Variants in ERG observed in about 807,000 individuals in gnomAD.
ERG encodes the protein transcriptional regulator ERG.
A neutral mutation model predicts 55.3 loss-of-function variants in ERG; 9 were observed. The observed-to-expected ratio is 0.16, with a 90% CI of 0.10 to 0.28. The LOEUF (loss-of-function observed/expected upper bound fraction) is 0.28, where lower values mean the gene tolerates loss of function less well. Among genes scored for constraint, ERG ranks in the 10% least tolerant of loss-of-function variants. The pLI is 1.00. For missense variants in ERG, 434 were observed against 631.6 expected, an observed-to-expected ratio of 0.69 and a Z score of 3.35; for synonymous variants, 223 against 237.3, an observed-to-expected ratio of 0.94 and a Z score of 0.55.
At chr21:38,568,042 C>T (rs983357194) in intron 2 of ERG, among the ~76,000 whole-genome samples, 1 of 152,082 alleles carries the variant, frequency 6.6e-6, no homozygotes, top group Non-Finnish European at 1.5e-5. Flanking sequence ...GAAAGAAGTG[C>T]TTCAGTTCAC....
chr21:38,415,215 C>G (rs7283572), intron 3 of ERG, among the ~76,000 whole-genome samples: 4 of 152,264 alleles, frequency 2.6e-5, no homozygotes, highest in African/African-American at 9.6e-5. Flanking sequence ...ACTCTCTTAG[C>G]GTTCCTAGTT....
intron 1 of ERG, among the ~76,000 whole-genome samples, chr21:38,646,467 G>A (rs2146978658): frequency 6.6e-6 from 1 of 152,272 alleles, no homozygotes; most frequent in East Asian, 1.9e-4. Context: ...CAGAATGTTA[G>A]ATTCTGACCG....
At chr21:38,468,185 C>A (rs1257547756) in intron 1 of ERG, among the ~76,000 whole-genome samples, 1 of 152,158 alleles carries the variant, frequency 6.6e-6, no homozygotes, top group Non-Finnish European at 1.5e-5. Context: ...TAGGTCGGCA[C>A]CTTCCTCCCC....
chr21:38,403,676 T>A lies in ERG; in HGVS notation c.422A>T (p.Gln141Leu). 6.2e-7 allele frequency: 1 copy of A among 1,614,186 alleles called. No individual in the cohort carries two copies. The highest frequency in any genetic ancestry group is 8.5e-7 in the Non-Finnish European group (1 of 1,180,014). ...PTLWSTDHVR[Q>L]WLEWAVKEYG... ...TTCTTTCACCGCCCACTCCAGCCAC[T>A]GCCGCACATGGTCTGTACTCCATAG... is the stretch of plus-strand genomic sequence containing the variant. The change falls in exon 4 of 10, where the codon CAG (glutamine) becomes CTG (leucine). Residue 141 changes from glutamine to leucine, a missense_variant. Transcript: ENST00000288319.
Position 38,641,741 on chromosome 21 carries a change from C to A in ERG, c.-150+19917G>T, listed in dbSNP as rs986132448. Among the ~76,000 whole-genome samples, 110 of 150,122 alleles carry A rather than the reference C, an allele frequency of 7.3e-4. 1 individual carries two copies. The highest frequency in any genetic ancestry group is 1.3e-3 in the Non-Finnish European group (89 of 67,424). On this transcript the variant is annotated intron_variant, in intron 1 of 10. Coordinates refer to the ERG transcript ENST00000398910. ...GTGAAAATTAGTGTGAAAAAAAAAA[C>A]AAATTTCTGAAAGGTAATTTGTCAG... is the stretch of plus-strand genomic sequence containing the variant.
intron 1 of ERG, among the ~76,000 whole-genome samples, chr21:38,601,175 C>G (rs909986864): frequency 6.6e-6 from 1 of 152,162 alleles, no homozygotes; most frequent in Non-Finnish European, 1.5e-5. Flanking sequence ...CCCCCAACAA[C>G]TCAGATGACA....
intron 1 of ERG, chr21:38,451,130 G>A (rs2058937666): frequency 1.0e-5 from 5 of 482,360 alleles, no homozygotes; most frequent in South Asian, 7.6e-5. Context: ...GAGAGACAGA[G>A]AGAGAGAGGC....
intron 2 of ERG, among the ~76,000 whole-genome samples, chr21:38,436,886 TTTTTC>T (rs1199746678): frequency 4.3e-5 from 6 of 139,410 alleles, no homozygotes; most frequent in East Asian, 2.3e-4. Flanking sequence ...GTTCCTTTTT[TTTTTC>T]TTTCTCTCTT....
rs570947932 is a variant in ERG at position 38,504,228 on chromosome 21, G to C, written c.-41+71434C>G. 2.0e-5 allele frequency among the ~76,000 whole-genome samples: 3 copies of C among 152,254 alleles called. No individual in the cohort carries two copies. The East Asian group carries it at 5.8e-4, about 29-fold the overall frequency. ...CAAATCCTCAACTTCTCAACACCAA[G>C]TTGCAATTTCCTTAATACTGAAGCA... On this transcript the variant is annotated intron_variant, in intron 2 of 8. Transcript: ENST00000398897.
rs1989653892 is a variant in ERG, at chr21:38,423,555, A to G, written c.243T>C (p.Ser81=). The change falls in exon 3 of 10, where the codon TCT becomes TCC. Residue 81 remains serine, a synonymous_variant. Coordinates refer to ENST00000288319, the MANE Select transcript of ERG (RefSeq NM_182918.4). Reference sequence around the variant, plus strand: ...CTTTGGCCACACTGCATTCATCAGGAGAGTTCCTGGAGGAGAAGAAATATT... The same window carrying G: ...CTTTGGCCACACTGCATTCATCAGGGGAGTTCCTGGAGGAGAAGAAATATT... The part of the protein sequence containing the change: ...NPSQVNGSRN[S]PDECSVAKGG... 6.2e-7 allele frequency: 1 copy of G among 1,611,102 alleles called. No homozygotes were observed. The highest frequency in any genetic ancestry group is 1.3e-5 in the African/African-American group (1 of 74,870).
At chr21:38,627,563 T>A (rs2060332225) in intron 1 of ERG, among the ~76,000 whole-genome samples, 1 of 152,200 alleles carries the variant, frequency 6.6e-6, no homozygotes, top group South Asian at 2.1e-4. Context: ...ACTAATGCAT[T>A]AAATTCAAGG....
At chr21:38,454,073 GACA>G (rs1366795337) in intron 1 of ERG, among the ~76,000 whole-genome samples, 5 of 152,102 alleles carry the variant, frequency 3.3e-5, no homozygotes, top group Non-Finnish European at 5.9e-5. Context: ...TTCTACTCTT[GACA>G]CTCAATACTT....
intron 2 of ERG, among the ~76,000 whole-genome samples, chr21:38,511,214 A>G (rs2836454): frequency 0.13 from 19,652 of 152,236 alleles, 2,532 homozygotes; most frequent in African/African-American, 0.33. Context: ...TGAATAAATC[A>G]ATCATTCCAC....
intron 1 of ERG, among the ~76,000 whole-genome samples, chr21:38,590,530 T>C (rs1391433263): frequency 6.6e-6 from 1 of 152,196 alleles, no homozygotes; most frequent in East Asian, 1.9e-4. Context: ...TGATCTAAAT[T>C]CAACCTGCCC....
chr21:38,610,819 C>T (rs769244809), intron 1 of ERG, among the ~76,000 whole-genome samples: 3 of 152,186 alleles, frequency 2.0e-5, no homozygotes, highest in Non-Finnish European at 2.9e-5. Context: ...TGGCGAGGTC[C>T]TACACACAAT....
intron 2 of ERG, among the ~76,000 whole-genome samples, chr21:38,550,372 T>C (rs983353240): frequency 1.1e-4 from 17 of 152,302 alleles, no homozygotes; most frequent in African/African-American, 3.6e-4. Flanking sequence ...GCAATGTGTG[T>C]GTGCCCCCAA....
At chr21:38,424,230 T>C (rs1225513164) in intron 2 of ERG, among the ~76,000 whole-genome samples, 1 of 127,572 alleles carries the variant, frequency 7.8e-6, no homozygotes, top group Non-Finnish European at 1.6e-5. Context: ...CTCTCTGCCA[T>C]GTAAGGGCAG....
intron 1 of ERG, among the ~76,000 whole-genome samples, chr21:38,655,479 C>T (rs1191602107): frequency 6.6e-6 from 1 of 152,216 alleles, no homozygotes; most frequent in Non-Finnish European, 1.5e-5. Context: ...TCCCACCATA[C>T]ATTGCAAATG....
intron 1 of ERG, among the ~76,000 whole-genome samples, chr21:38,464,727 C>T (rs139931665): frequency 2.0e-5 from 3 of 152,032 alleles, no homozygotes; most frequent in Non-Finnish European, 4.4e-5. Flanking sequence ...CCTCCTACCC[C>T]CCGAGAGGCC....
Sources: allele counts gnomAD v4.1 joint callset (sites outside exome capture counted in the v4.1 genomes callset), GRCh38; gene constraint gnomAD v4.1.1; transcripts MANE v1.5; gene names NCBI Gene and HGNC (gene_info 2026-07-23, HGNC 2026-07-21).